COIL: variants seen among roughly 807,000 people sequenced by gnomAD.
The protein encoded by COIL is coilin p80.
Under a neutral mutation model 51.6 loss-of-function variants are expected in COIL, and 28 were observed. That is an observed-to-expected ratio of 0.54 (90% CI 0.40 to 0.74). The LOEUF (loss-of-function observed/expected upper bound fraction) is 0.74, where lower values mean the gene tolerates loss of function less well. Ranked by LOEUF, COIL falls within the 30% of genes least tolerant of loss-of-function variation. COIL has a pLI of 0.00. For synonymous variants in COIL, 233 were observed against 255.8 expected (o/e 0.91, Z 0.85); for missense variants, 667 against 685.9 (o/e 0.97, Z 0.31).
rs778527415 is a variant in COIL, at chr17:56,950,151, G to T, written c.1091C>A (p.Ala364Asp). The T allele has an allele frequency of 6.2e-7, 1 of 1,614,174 alleles. No individual in the cohort carries two copies. Among genetic ancestry groups the T allele is most frequent in the East Asian group, 2.2e-5 (1 of 44,892 alleles). ...GPGLSSQTAG[A>D]AGWRRSGSNG... Reference sequence around the variant, plus strand: ...TGAGCCAGAACGCCTCCATCCAGCAGCACCTGCAGTCTGTGATGACAGCCC... The same window carrying T: ...TGAGCCAGAACGCCTCCATCCAGCATCACCTGCAGTCTGTGATGACAGCCC... Residue 364 changes from alanine to aspartate, a missense_variant, in exon 2 of 7, where the codon GCT becomes GAT. Transcript: ENST00000240316.
At chr17:56,954,465 G>C (rs1310109752) in intron 1 of COIL, among the ~76,000 whole-genome samples, 2 of 152,026 alleles carry the variant, frequency 1.3e-5, no homozygotes, top group African/African-American at 4.8e-5. Flanking sequence ...GGAAGCTGAG[G>C]CAGAAGAATC....
chr17:56,960,561 T>C lies in COIL; in HGVS notation c.245+214A>G, dbSNP rs375148568. 3.6e-5 allele frequency: 12 copies of C among 332,882 alleles called. No homozygotes were observed. The East Asian group carries it at 4.7e-4, about 13-fold the overall frequency. 20.6% of individuals were successfully genotyped at this position (332,882 alleles called of 1,614,324 possible). Reference sequence around the variant, plus strand: ...ATAATAATAAAAAATAATAATAAAATGCAGATTCCTGAGCCCCAAAGTTGA... The same window carrying C: ...ATAATAATAAAAAATAATAATAAAACGCAGATTCCTGAGCCCCAAAGTTGA... On this transcript the variant is annotated intron_variant, in intron 1 of 6. Transcript: ENST00000240316.
In COIL at chr17:56,950,620, C is replaced by T. The variant is rs1910347492; in HGVS notation, c.622G>A (p.Val208Met). ...KNPKSPKVQA[V>M]KDWANQRCSS... is the part of the protein sequence containing the mutation. The stretch of plus-strand genomic sequence containing the variant: ...CATCTCTGATTGGCCCAGTCTTTCA[C>T]TGCCTGTACTTTCGGAGACTTGGGA... Residue 208 changes from valine to methionine, a missense_variant, in exon 2 of 7, where the codon GTG becomes ATG. By Grantham distance (21) the Val-to-Met change is conservative. Coordinates refer to ENST00000240316, the MANE Select transcript of COIL (RefSeq NM_004645.3). 1.9e-6 allele frequency: 3 copies of T among 1,613,744 alleles called. No homozygotes were observed. Among genetic ancestry groups the T allele is most frequent in the East Asian group, 2.2e-5 (1 of 44,888 alleles).
intron 1 of COIL, chr17:56,951,401 T>C (rs1910366991): frequency 6.2e-6 from 1 of 162,326 alleles, no homozygotes; most frequent in African/African-American, 2.4e-5. Context: ...ACAATCTTTC[T>C]ACAATATGCA....
intron 1 of COIL, among the ~76,000 whole-genome samples, chr17:56,957,237 A>C (rs557199923): frequency 6.6e-6 from 1 of 151,990 alleles, no homozygotes; most frequent in East Asian, 1.9e-4. Flanking sequence ...ATGGAGTGAG[A>C]CCCTGTCTCA....
chr17:56,949,648 C>T (rs920138325), intron 3 of COIL, 33 bp downstream of exon 3: 2 of 1,583,910 alleles, frequency 1.3e-6, no homozygotes, highest in African/African-American at 1.3e-5. Flanking sequence ...GGGAATGAAC[C>T]TTTTTTGCTG....
chr17:56,949,351 T>C (rs777245000), intron 4 of COIL, 36 bp downstream of exon 4: 4 of 1,541,624 alleles, frequency 2.6e-6, no homozygotes, highest in South Asian at 2.4e-5. Context: ...GTTTTAATAA[T>C]ACACTGACAA....
chr17:56,944,317 G>A (rs1426302357), intron 5 of COIL, among the ~76,000 whole-genome samples: 1 of 152,130 alleles, frequency 6.6e-6, no homozygotes, highest in African/African-American at 2.4e-5. Flanking sequence ...ACCTGGCCAG[G>A]CACGGTGGCT....
chr17:56,940,137 CTA>C (rs2144388998), intron 6 of COIL: 1 of 152,202 alleles, frequency 6.6e-6, no homozygotes, highest in Admixed American at 6.5e-5. Context: ...GGTATCACGT[CTA>C]TAGTCCAGGC....
At chr17:56,956,433 T>C (rs1598099271) in intron 1 of COIL, among the ~76,000 whole-genome samples, 2 of 151,772 alleles carry the variant, frequency 1.3e-5, no homozygotes, top group African/African-American at 2.4e-5. Flanking sequence ...TTGGGGTTTT[T>C]TTGGTAGAAT....
At position 56,949,436 on chromosome 17, in the gene COIL, T is replaced by TA. The variant is rs755210331; in HGVS notation, c.1441-3dup. On this transcript the variant is annotated splice_region_variant and splice_polypyrimidine_tract_variant and intron_variant, in intron 3 of 6. Coordinates refer to ENST00000240316, the MANE Select transcript of COIL (RefSeq NM_004645.3). ...GTAACTGGATGTTAGCTCCAAAAGC[T>TA]AAAAAAGAAGAAAAAACCCACAAAT... 2.0e-5 allele frequency: 32 copies of TA among 1,603,994 alleles called. No individual in the cohort carries two copies. The highest frequency in any genetic ancestry group is 2.7e-5 in the Non-Finnish European group (32 of 1,177,850).
At chr17:56,960,679 C>A in intron 1 of COIL, 96 bp downstream of exon 1, 1 of 689,584 alleles carries the variant, frequency 1.5e-6, no homozygotes, top group Non-Finnish European at 2.0e-6. Context: ...CCCCCATCCC[C>A]TCCACTACCA....
At chr17:56,939,207 C>A (rs756929139) in intron 6 of COIL, 53 bp from the exon 7 acceptor site, 30 of 950,224 alleles carry the variant, frequency 3.2e-5, no homozygotes, top group Non-Finnish European at 2.9e-5. Context: ...GAGGTCATAC[C>A]GGTTAATTCA....
At chr17:56,942,811 C>T (rs1199912712) in intron 5 of COIL, among the ~76,000 whole-genome samples, 2 of 152,144 alleles carry the variant, frequency 1.3e-5, no homozygotes, top group East Asian at 1.9e-4. Flanking sequence ...CCACCACACC[C>T]GGCCTCAGTC....
chr17:56,957,793 G>C lies in COIL; in HGVS notation c.245+2982C>G, dbSNP rs1419977974. On this transcript the variant is annotated intron_variant, in intron 1 of 6. Coordinates refer to ENST00000240316, the MANE Select transcript of COIL (RefSeq NM_004645.3). ...AGCAGCCCCAGCAAACTAACACAGG[G>C]GGCTCCAAGCCAATAGAAGCACCTC... is the stretch of plus-strand genomic sequence containing the variant. Among the ~76,000 whole-genome samples the C allele has an allele frequency of 3.3e-5, 5 of 152,218 alleles. No individual in the cohort carries two copies. The East Asian group carries it at 9.7e-4, about 29-fold the overall frequency.
chr17:56,946,917 T>C (rs1910259539), intron 4 of COIL, among the ~76,000 whole-genome samples: 1 of 152,204 alleles, frequency 6.6e-6, no homozygotes, highest in South Asian at 2.1e-4. Context: ...AGATATATCC[T>C]AATGGTGCAG....
chr17:56,945,291 T>C (rs1173923746), intron 5 of COIL, among the ~76,000 whole-genome samples: 2 of 152,032 alleles, frequency 1.3e-5, no homozygotes, highest in African/African-American at 4.8e-5. Flanking sequence ...TGAGCCAAGA[T>C]TGTGCCACCA....
At chr17:56,952,391 G>C in intron 1 of COIL, 1 of 418,464 alleles carries the variant, frequency 2.4e-6, no homozygotes, top group Non-Finnish European at 4.6e-6. Flanking sequence ...AAAATCCTGG[G>C]ATTCTTTTTA....
At chr17:56,942,150 A>G in intron 5 of COIL, 27 bp from the exon 6 acceptor site, 2 of 1,552,186 alleles carry the variant, frequency 1.3e-6, no homozygotes, top group Non-Finnish European at 1.8e-6. Context: ...GGGAGGAAAG[A>G]GAGTAAGTCA....
Sources: gnomAD v4.1 joint callset for allele counts (sites outside exome capture counted in the v4.1 genomes callset) on GRCh38, gnomAD v4.1.1 for gene constraint, MANE v1.5 for transcripts, NCBI Gene and HGNC (gene_info 2026-07-23, HGNC 2026-07-21) for gene names.